DDR2: variants seen among roughly 807,000 people sequenced by gnomAD.
DDR2 encodes the protein discoidin domain-containing receptor 2.
In DDR2, 27 loss-of-function variants were observed where a neutral mutation model predicts 94.9. That is an observed-to-expected ratio of 0.28 (90% CI 0.21 to 0.39). The LOEUF (loss-of-function observed/expected upper bound fraction) is 0.39, where lower values mean the gene tolerates loss of function less well. Ranked by LOEUF, DDR2 falls within the 10% of genes least tolerant of loss-of-function variation. The probability of loss-of-function intolerance (pLI) is 1.00; values close to 1 mark genes in which losing one functional copy is unlikely to be tolerated. For missense variants in DDR2, 783 were observed against 1,076.0 expected, an observed-to-expected ratio of 0.73 and a Z score of 3.81; for synonymous variants, 382 against 377.2, an observed-to-expected ratio of 1.01 and a Z score of -0.15.
At position 162,749,503 on chromosome 1, in the gene DDR2, G is replaced by A. The variant is rs555385704; in HGVS notation, c.83-3592G>A. Among the ~76,000 whole-genome samples, 4 of 152,220 alleles carry A rather than the reference G, an allele frequency of 2.6e-5. No individual in the cohort carries two copies. The East Asian group carries it at 5.8e-4, about 22-fold the overall frequency. ...GACCAATAACAGGCTCTGAAATTGC[G>A]GCAATAATTAATAGCCTACCAACCA... On this transcript the variant is annotated intron_variant, in intron 3 of 17. Coordinates refer to ENST00000367921, the MANE Select transcript of DDR2 (RefSeq NM_006182.4).
chr1:162,677,822 G>A (rs1423050501), intron 2 of DDR2, among the ~76,000 whole-genome samples: 1 of 152,126 alleles, frequency 6.6e-6, no homozygotes, highest in Non-Finnish European at 1.5e-5. Context: ...CCACCTGCTG[G>A]ATATGAATGT....
rs1179870759 is a variant in DDR2 at position 162,784,897 on chromosome 1, T to A, written c.*4651T>A. 2 of 152,172 alleles carry A rather than the reference T, an allele frequency of 1.3e-5. No homozygotes were observed. The highest frequency in any genetic ancestry group is 2.4e-5 in the African/African-American group (1 of 41,434). 9.4% of individuals were successfully genotyped at this position (152,172 alleles called of 1,614,324 possible). ...ACAGACCTTTTTTCAATTTCGCCAG[T>A]TTTTCCACACATATTCATTTAGTTG... On this transcript the variant is annotated 3_prime_UTR_variant, in exon 18 of 18. Transcript: ENST00000367921.
intron 7 of DDR2, among the ~76,000 whole-genome samples, chr1:162,757,891 A>G (rs1295070130): frequency 4.6e-5 from 7 of 152,204 alleles, no homozygotes; most frequent in African/African-American, 1.7e-4. Flanking sequence ...GTAGGGTGAG[A>G]AAAAGGGTCA....
At chr1:162,741,626 G>T (rs1662618956) in intron 3 of DDR2, 1 of 985,268 alleles carries the variant, frequency 1.0e-6, no homozygotes, top group Non-Finnish European at 1.2e-6. Flanking sequence ...ACAGTCAAAA[G>T]ATCCAGGAAT....
chr1:162,655,244 G>A lies in DDR2; in HGVS notation c.-158G>A, dbSNP rs1034641239. Reference sequence around the variant, plus strand: ...AAGGGAGACCTGCAAGTTGCCTGGGGTTCAGTGCTCTAGAAAGTTCCAAGG... The same window carrying A: ...AAGGGAGACCTGCAAGTTGCCTGGGATTCAGTGCTCTAGAAAGTTCCAAGG... On this transcript the variant is annotated 5_prime_UTR_variant, in exon 2 of 18. Transcript: ENST00000367921. 1 of 152,218 alleles carries A rather than the reference G, an allele frequency of 6.6e-6. No individual in the cohort carries two copies. Among genetic ancestry groups the A allele is most frequent in the African/African-American group, 2.4e-5 (1 of 41,460 alleles). 9.4% of individuals were successfully genotyped at this position (152,218 alleles called of 1,614,324 possible). A position where few individuals can be genotyped will look rare whatever the true frequency, so the allele number is the denominator to read the frequency against.
intron 3 of DDR2, among the ~76,000 whole-genome samples, chr1:162,738,169 C>T (rs1662412143): frequency 7.6e-6 from 1 of 131,258 alleles, no homozygotes; most frequent in Non-Finnish European, 1.6e-5. Context: ...GTCAAATTGT[C>T]CCTGTTTGCA....
chr1:162,730,572 T>C (rs1197669019), intron 3 of DDR2, among the ~76,000 whole-genome samples: 1 of 152,146 alleles, frequency 6.6e-6, no homozygotes, highest in Non-Finnish European at 1.5e-5. Flanking sequence ...ACTTGAGAAA[T>C]GTATTGGCAT....
intron 2 of DDR2, among the ~76,000 whole-genome samples, chr1:162,663,341 G>T (rs1393946517): frequency 6.6e-6 from 1 of 152,174 alleles, no homozygotes; most frequent in East Asian, 1.9e-4. Context: ...TCATTGTACA[G>T]ATTCCATAGT....
At chr1:162,690,378 C>T (rs1485140096) in intron 2 of DDR2, among the ~76,000 whole-genome samples, 1 of 152,080 alleles carries the variant, frequency 6.6e-6, no homozygotes, top group Non-Finnish European at 1.5e-5. Context: ...ACACTCATGC[C>T]AGCTCTGCCA....
chr1:162,758,409 T>C (rs1269812766), intron 7 of DDR2, among the ~76,000 whole-genome samples: 1 of 152,200 alleles, frequency 6.6e-6, no homozygotes, highest in African/African-American at 2.4e-5. Context: ...ATATTGAACA[T>C]TTATTTTCTT....
chr1:162,711,397 A>G (rs989869224), intron 2 of DDR2, among the ~76,000 whole-genome samples: 1 of 152,236 alleles, frequency 6.6e-6, no homozygotes, highest in Non-Finnish European at 1.5e-5. Context: ...TCCTTTTGCG[A>G]AGAACTATTC....
chr1:162,718,223 T>C (rs573755991), intron 2 of DDR2, among the ~76,000 whole-genome samples: 5 of 152,300 alleles, frequency 3.3e-5, no homozygotes, highest in South Asian at 4.1e-4. Context: ...TTTCTGGCAC[T>C]AAAAGATACT....
In DDR2 at chr1:162,784,195, G is replaced by A. The variant is rs1368472703; in HGVS notation, c.*3949G>A. The A allele has an allele frequency of 6.6e-6, 1 of 152,232 alleles. No individual in the cohort carries two copies. The highest frequency in any genetic ancestry group is 1.5e-5 in the Non-Finnish European group (1 of 68,048). The allele number at this position is 152,232 out of a possible 1,614,324, so 9.4% of individuals were successfully genotyped here. A position where few individuals can be genotyped will look rare whatever the true frequency, so the allele number is the denominator to read the frequency against. On this transcript the variant is annotated 3_prime_UTR_variant, in exon 18 of 18. Coordinates refer to ENST00000367921, the MANE Select transcript of DDR2 (RefSeq NM_006182.4). ...TGTGGGTCTAAACCATATGTTTTGA[G>A]TAAAGGAGAATAGAAGAAGGGGAGT...
At chr1:162,741,744 G>A (rs565124686) in intron 3 of DDR2, 3 of 985,332 alleles carry the variant, frequency 3.0e-6, no homozygotes, top group South Asian at 9.4e-5. Flanking sequence ...TAGTAGCTGG[G>A]CTTGGGTCCT....
At chr1:162,761,139 G>A in intron 8 of DDR2, 72 bp from the exon 9 acceptor site, 2 of 1,607,550 alleles carry the variant, frequency 1.2e-6, no homozygotes, top group Middle Eastern at 2.1e-4. Context: ...CAACTACTGA[G>A]TTGGCTGGCA....
chr1:162,777,518 AT>A (rs1647643028), intron 16 of DDR2, among the ~76,000 whole-genome samples: 1 of 152,120 alleles, frequency 6.6e-6, no homozygotes, highest in Non-Finnish European at 1.5e-5. Flanking sequence ...TTTCACCTAT[AT>A]ATGTGAATTG....
chr1:162,676,779 T>A (rs997637727), intron 2 of DDR2, among the ~76,000 whole-genome samples: 4 of 152,188 alleles, frequency 2.6e-5, no homozygotes, highest in Non-Finnish European at 5.9e-5. Flanking sequence ...CTTCCACAGA[T>A]GACGGAAGTG....
chr1:162,708,997 G>A (rs1660776591), intron 2 of DDR2, among the ~76,000 whole-genome samples: 1 of 152,128 alleles, frequency 6.6e-6, no homozygotes, highest in African/African-American at 2.4e-5. Context: ...CAGGTACTAG[G>A]TTCTAGACAC....
chr1:162,690,493 G>T (rs1327790116), intron 2 of DDR2, among the ~76,000 whole-genome samples: 1 of 152,072 alleles, frequency 6.6e-6, no homozygotes, highest in Admixed American at 6.6e-5. Flanking sequence ...CCTACCATGT[G>T]CTAGGCATTG....
Sources: gnomAD v4.1 joint callset for allele counts (sites outside exome capture counted in the v4.1 genomes callset) on GRCh38, gnomAD v4.1.1 for gene constraint, MANE v1.5 for transcripts, NCBI Gene and HGNC (gene_info 2026-07-23, HGNC 2026-07-21) for gene names.